PCDH15: variants seen among roughly 807,000 people sequenced by gnomAD.
The protein encoded by PCDH15 is protocadherin-15.
PCDH15 carries 129 observed loss-of-function variants against 178.5 expected under a neutral mutation model. The observed-to-expected ratio is 0.72, with a 90% CI of 0.63 to 0.84. The LOEUF (loss-of-function observed/expected upper bound fraction) is 0.84. PCDH15 is among the 40% of genes least tolerant of loss of function. PCDH15 has a pLI of 0.00. For missense variants in PCDH15, 2,230 were observed against 2,099.9 expected (o/e 1.06, Z -1.21); for synonymous variants, 800 against 732.0 (o/e 1.09, Z -1.50).
At chr10:53,867,203 C>CT (rs971406447) in intron 26 of PCDH15, among the ~76,000 whole-genome samples, 3 of 151,780 alleles carry the variant, frequency 2.0e-5, no homozygotes, top group South Asian at 2.1e-4. Context: ...ATGAGATCAC[C>CT]TTTTTTTTAG....
At chr10:54,006,959 T>C (rs2092406718) in intron 20 of PCDH15, among the ~76,000 whole-genome samples, 2 of 152,128 alleles carry the variant, frequency 1.3e-5, no homozygotes, top group Non-Finnish European at 2.9e-5. Flanking sequence ...CATGTCTCCC[T>C]CTCTCCTACT....
At chr10:55,205,135 T>A (rs1191599923) in intron 1 of PCDH15, among the ~76,000 whole-genome samples, 1 of 152,016 alleles carries the variant, frequency 6.6e-6, no homozygotes, top group Non-Finnish European at 1.5e-5. Context: ...ATTAGTATGA[T>A]AGAGAAGTGA....
chr10:54,683,697 G>T (rs1565934666), intron 1 of PCDH15, among the ~76,000 whole-genome samples: 1 of 152,038 alleles, frequency 6.6e-6, no homozygotes, highest in African/African-American at 2.4e-5. Context: ...ACTAGAAGTG[G>T]AATCTTCAAA....
intron 2 of PCDH15, among the ~76,000 whole-genome samples, chr10:54,564,136 A>T (rs1392819767): frequency 1.3e-5 from 2 of 151,160 alleles, no homozygotes; most frequent in Non-Finnish European, 3.0e-5. Flanking sequence ...TTTCCCCCCC[A>T]CATCATACTG....
At chr10:53,890,779 A>C (rs2081501730) in intron 26 of PCDH15, among the ~76,000 whole-genome samples, 1 of 152,142 alleles carries the variant, frequency 6.6e-6, no homozygotes, top group African/African-American at 2.4e-5. Context: ...AAAAAGGAAA[A>C]ATAAAAAAAT....
At chr10:55,523,778 G>C (rs1430307562) in intron 2 of PCDH15, among the ~76,000 whole-genome samples, 2 of 151,562 alleles carry the variant, frequency 1.3e-5, no homozygotes, top group African/African-American at 2.4e-5. Flanking sequence ...GATTAACATT[G>C]CTTAAGGCCA....
Position 54,359,267 on chromosome 10 carries a change from T to TA in PCDH15, c.474+9852dup, listed in dbSNP as rs550002721. 9.0e-4 allele frequency among the ~76,000 whole-genome samples: 129 copies of TA among 143,706 alleles called. 1 individual carries two copies. Among genetic ancestry groups the TA allele is most frequent in the Middle Eastern group, 3.6e-3 (1 of 280 alleles). 94.3% of individuals were successfully genotyped at this position (143,706 alleles called of 152,430 possible). A position where few individuals can be genotyped will look rare whatever the true frequency, so the allele number is the denominator to read the frequency against. ...AAGCTTAAATAAACCTTTAAAAAAC[T>TA]AAAAAAAAACAAAAACTAAAACCAT... On this transcript the variant is annotated intron_variant, in intron 5 of 37. Transcript: ENST00000644397.
chr10:54,175,775 CATT>C (rs561182533), intron 13 of PCDH15, among the ~76,000 whole-genome samples: 3 of 152,180 alleles, frequency 2.0e-5, no homozygotes, highest in African/African-American at 7.2e-5. Context: ...AATCATCTGT[CATT>C]ATATTAACTC....
chr10:54,328,797 G>C (rs1938754032), intron 7 of PCDH15, among the ~76,000 whole-genome samples: 1 of 79,202 alleles, frequency 1.3e-5, no homozygotes, highest in Admixed American at 1.2e-4. Context: ...CCAGAGAAGA[G>C]GGAAGTATAA....
intron 1 of PCDH15, among the ~76,000 whole-genome samples, chr10:55,211,651 C>G (rs2132171238): frequency 6.6e-6 from 1 of 152,070 alleles, no homozygotes; most frequent in African/African-American, 2.4e-5. Context: ...AAGTTATTTT[C>G]CACTCAAAGA....
chr10:54,872,582 C>A (rs1171375186), intron 3 of PCDH15, among the ~76,000 whole-genome samples: 1 of 152,092 alleles, frequency 6.6e-6, no homozygotes, highest in Admixed American at 6.6e-5. Flanking sequence ...TTTGACTCAT[C>A]ATTGATTATT....
At chr10:55,003,072 A>T (rs892309638) in intron 2 of PCDH15, among the ~76,000 whole-genome samples, 1 of 152,130 alleles carries the variant, frequency 6.6e-6, no homozygotes, top group African/African-American at 2.4e-5. Flanking sequence ...ATGTTTTAAC[A>T]TATGTTGTCA....
Position 53,927,440 on chromosome 10 carries a change from T to C in PCDH15, c.3373+11375A>G, listed in dbSNP as rs531208948. ...ATCTGATACAATTCACAATTCACTGTGAAGAATTATAAAATTATACTGTTA... is the reference window on the plus strand; with the variant it reads ...ATCTGATACAATTCACAATTCACTGCGAAGAATTATAAAATTATACTGTTA... On this transcript the variant is annotated intron_variant, in intron 25 of 37. Transcript: ENST00000644397. 9.1e-4 allele frequency among the ~76,000 whole-genome samples: 139 copies of C among 152,280 alleles called. 1 individual carries two copies. The highest frequency in any genetic ancestry group is 3.3e-3 in the African/African-American group (139 of 41,560).
intron 2 of PCDH15, among the ~76,000 whole-genome samples, chr10:55,492,976 T>C (rs1268198211): frequency 6.6e-6 from 1 of 151,610 alleles, no homozygotes; most frequent in Non-Finnish European, 1.5e-5. Context: ...GCTGAAGAAA[T>C]AATCAGTAAA....
intron 1 of PCDH15, among the ~76,000 whole-genome samples, chr10:54,763,436 C>T (rs1162869338): frequency 1.2e-4 from 18 of 151,980 alleles, no homozygotes; most frequent in Non-Finnish European, 2.6e-4. Flanking sequence ...ACTTATATTG[C>T]TAACTGGAGA....
At chr10:53,957,243 A>G (rs1457711662) in intron 23 of PCDH15, among the ~76,000 whole-genome samples, 1 of 152,184 alleles carries the variant, frequency 6.6e-6, no homozygotes, top group East Asian at 1.9e-4. Flanking sequence ...ATTTTAAGTT[A>G]AAACTGTGAG....
intron 21 of PCDH15, among the ~76,000 whole-genome samples, chr10:53,979,483 C>T (rs934902676): frequency 5.3e-5 from 8 of 152,280 alleles, no homozygotes; most frequent in Admixed American, 2.0e-4. Context: ...AACCATATCA[C>T]CCTCTAAGAA....
chr10:55,181,122 T>C (rs1179291102), intron 1 of PCDH15, among the ~76,000 whole-genome samples: 1 of 151,906 alleles, frequency 6.6e-6, no homozygotes, highest in Admixed American at 6.6e-5. Flanking sequence ...AATAGAAGTC[T>C]GAGGGAAAAA....
intron 18 of PCDH15, among the ~76,000 whole-genome samples, chr10:54,038,010 C>G (rs1170195699): frequency 6.6e-6 from 1 of 151,894 alleles, no homozygotes; most frequent in Non-Finnish European, 1.5e-5. Context: ...TTAGAAAAGA[C>G]TGGGCTCAGA....
Sources: allele counts gnomAD v4.1 joint callset (sites outside exome capture counted in the v4.1 genomes callset), GRCh38; gene constraint gnomAD v4.1.1; transcripts MANE v1.5; gene names NCBI Gene and HGNC (gene_info 2026-07-23, HGNC 2026-07-21).